The following ZNF91 variants were observed in gnomAD, a reference collection of about 807,000 sequenced individuals.
ZNF91 encodes the protein zinc finger protein 91.
In ZNF91, 7 loss-of-function variants were observed where a neutral mutation model predicts 12.6. That is an observed-to-expected ratio of 0.55 (90% confidence interval 0.31 to 1.04). The LOEUF (loss-of-function observed/expected upper bound fraction) is 1.04. Among genes scored for constraint, ZNF91 ranks in the 50% least tolerant of loss-of-function variants. The pLI is 0.05. For missense variants in ZNF91, 1,217 were observed against 1,385.4 expected (o/e 0.88, Z 1.93); for synonymous variants, 453 against 462.6 (o/e 0.98, Z 0.27).
At chr19:23,379,014 T>C (rs1460367482) in intron 1 of ZNF91, among the ~76,000 whole-genome samples, 1 of 152,198 alleles carries the variant, frequency 6.6e-6, no homozygotes, top group African/African-American at 2.4e-5. Context: ...GATGACTCAT[T>C]TCTTTTACAC....
At chr19:23,353,571 C>T (rs534181422), downstream of ZNF91, among the ~76,000 whole-genome samples, 16 of 151,804 alleles carry the variant, frequency 1.1e-4, no homozygotes, top group East Asian at 3.9e-4. Context: ...CAAACCAAAC[C>T]GAAACCCAAC....
At chr19:23,376,665 A>C (rs1287497035) in intron 1 of ZNF91, among the ~76,000 whole-genome samples, 1 of 152,208 alleles carries the variant, frequency 6.6e-6, no homozygotes, top group Non-Finnish European at 1.5e-5. Context: ...CTGGGATTAC[A>C]GACGTGAGCC....
intron 3 of ZNF91, among the ~76,000 whole-genome samples, chr19:23,341,810 T>A (rs1457309063): frequency 6.6e-6 from 1 of 152,146 alleles, no homozygotes; most frequent in Non-Finnish European, 1.5e-5. Context: ...TCAGACATGA[T>A]GGGAAAAGAA....
chr19:23,316,388 T>C (rs1967561182), intron 1 of ZNF91, among the ~76,000 whole-genome samples: 1 of 152,164 alleles, frequency 6.6e-6, no homozygotes, highest in Non-Finnish European at 1.5e-5. Context: ...AAACAGACGA[T>C]GTGTCTCTCG....
chr19:23,348,056 A>C (rs1296565073), intron 3 of ZNF91, among the ~76,000 whole-genome samples: 1 of 152,210 alleles, frequency 6.6e-6, no homozygotes, highest in African/African-American at 2.4e-5. Context: ...TACCCAAGGC[A>C]TCTCTATATC....
At chr19:23,320,008 A>G (rs773980235) in intron 1 of ZNF91, among the ~76,000 whole-genome samples, 7 of 152,176 alleles carry the variant, frequency 4.6e-5, no homozygotes, top group Non-Finnish European at 1.0e-4. Flanking sequence ...AGAGAGTGTC[A>G]TCACAGGTCC....
upstream of ZNF91, among the ~76,000 whole-genome samples, chr19:23,313,492 G>C (rs295355): frequency 0.1 from 15,776 of 152,196 alleles, 1,255 homozygotes; most frequent in East Asian, 0.37. Flanking sequence ...GCCAGGTGAT[G>C]TGTCTCTCCT....
chr19:23,351,025 A>G (rs2145027974), intron 3 of ZNF91, among the ~76,000 whole-genome samples: 1 of 152,252 alleles, frequency 6.6e-6, no homozygotes, highest in South Asian at 2.1e-4. Flanking sequence ...CTGATCTGTC[A>G]ACAAAGAAAA....
At chr19:23,328,770 T>C (rs1967879693) in intron 1 of ZNF91, 2 of 152,082 alleles carry the variant, frequency 1.3e-5, no homozygotes, top group Admixed American at 1.3e-4. Context: ...TCAAATGGAT[T>C]TGATAAAGGT....
At chr19:23,344,284 C>T (rs1250925676) in intron 3 of ZNF91, among the ~76,000 whole-genome samples, 4 of 151,876 alleles carry the variant, frequency 2.6e-5, no homozygotes, top group South Asian at 2.1e-4. Context: ...TTATTAGAGA[C>T]GAGGTTTCAC....
chr19:23,316,616 C>A (rs1186583731), intron 1 of ZNF91, among the ~76,000 whole-genome samples: 3 of 152,180 alleles, frequency 2.0e-5, no homozygotes, highest in Admixed American at 6.6e-5. Context: ...TTGCTCCCTA[C>A]CCACAGGTAA....
chr19:23,343,225 T>C (rs1473207833), intron 3 of ZNF91, among the ~76,000 whole-genome samples: 1 of 152,202 alleles, frequency 6.6e-6, no homozygotes, highest in Non-Finnish European at 1.5e-5. Context: ...AGTTAGAAGG[T>C]ACCTCTCCAA....
At chr19:23,376,779 G>GT (rs1229561460) in intron 1 of ZNF91, among the ~76,000 whole-genome samples, 6 of 152,114 alleles carry the variant, frequency 3.9e-5, no homozygotes, top group Non-Finnish European at 1.5e-5. Context: ...TACTAAACGC[G>GT]TGGCATTCCA....
chr19:23,316,371 C>T (rs1967560863), intron 1 of ZNF91, among the ~76,000 whole-genome samples: 1 of 152,194 alleles, frequency 6.6e-6, no homozygotes, highest in Non-Finnish European at 1.5e-5. Context: ...ATATTGCTGG[C>T]ATCAGCAAAC....
chr19:23,359,396 G>C lies in ZNF91; in HGVS notation c.*7C>G, dbSNP rs773721704. The C allele has an allele frequency of 1.7e-5, 17 of 995,914 alleles. No individual in the cohort carries two copies. The African/African-American group carries it at 2.8e-4, about 17-fold the overall frequency. The allele number at this position is 995,914 out of a possible 1,614,324, so 61.7% of individuals were successfully genotyped here. On this transcript the variant is annotated 3_prime_UTR_variant, in exon 4 of 4. Transcript: ENST00000300619. ...CGCCACCACGCCCGGCTAATTTTTT[G>C]TATTTTTTAGTAGAGAAGGGGTTTC...
rs150703571 is a variant in ZNF91, at chr19:23,323,763, T to G, written n.117-14666A>C. The stretch of plus-strand genomic sequence containing the variant: ...CTCCTCTCCTCTTTTTCTCATTCTT[T>G]TCGTCTCCTCCTTCTCTTTCTTCTT... On this transcript the variant is annotated intron_variant and non_coding_transcript_variant, in intron 1 of 1. Transcript: ENST00000596528. Among the ~76,000 whole-genome samples the G allele has an allele frequency of 5.3e-3, 787 of 148,460 alleles. 7 individuals carry two copies. Among genetic ancestry groups the G allele is most frequent in the African/African-American group, 0.019 (748 of 39,088 alleles).
At chr19:23,366,126 G>A (rs1042573289) in intron 3 of ZNF91, among the ~76,000 whole-genome samples, 7 of 151,928 alleles carry the variant, frequency 4.6e-5, no homozygotes, top group Non-Finnish European at 7.4e-5. Flanking sequence ...GGGGCTCCTC[G>A]CTTCCCAGTA....
At chr19:23,336,298 GCTCT>G (rs1968006288), downstream of ZNF91, among the ~76,000 whole-genome samples, 1 of 152,182 alleles carries the variant, frequency 6.6e-6, no homozygotes, top group Admixed American at 6.5e-5. Flanking sequence ...AAGGAGAATA[GCTCT>G]CTCTCCTGAG....
At chr19:23,372,902 A>C (rs947487047) in intron 3 of ZNF91, among the ~76,000 whole-genome samples, 7 of 152,224 alleles carry the variant, frequency 4.6e-5, no homozygotes, top group African/African-American at 1.7e-4. Context: ...CCATATGCAG[A>C]CCTGACTGCA....
Sources: gnomAD v4.1 joint callset for allele counts (sites outside exome capture counted in the v4.1 genomes callset) on GRCh38, gnomAD v4.1.1 for gene constraint, MANE v1.5 for transcripts, NCBI Gene and HGNC (gene_info 2026-07-23, HGNC 2026-07-21) for gene names.